ITGA1: variants seen among roughly 807,000 people sequenced by gnomAD.
ITGA1 encodes integrin subunit alpha 1, also known as integrin alpha-1.
In ITGA1, 85 loss-of-function variants were observed where a neutral mutation model predicts 145.9. The observed-to-expected ratio is 0.58, with a 90% confidence interval of 0.49 to 0.70. The LOEUF (loss-of-function observed/expected upper bound fraction) is 0.70, where lower values mean the gene tolerates loss of function less well. Among genes scored for constraint, ITGA1 ranks in the 30% least tolerant of loss-of-function variants. The pLI is 0.00. For synonymous variants in ITGA1, 520 were observed against 495.3 expected, an observed-to-expected ratio of 1.05 and a Z score of -0.66; for missense variants, 1,351 against 1,418.7, an observed-to-expected ratio of 0.95 and a Z score of 0.77.
At chr5:52,948,518 A>G (rs1407924638) in intron 28 of ITGA1, among the ~76,000 whole-genome samples, 1 of 152,198 alleles carries the variant, frequency 6.6e-6, no homozygotes, top group African/African-American at 2.4e-5. Context: ...ATGGTGAACA[A>G]AGCCAGATGT....
chr5:52,940,565 C>T (rs1275517135), intron 26 of ITGA1, among the ~76,000 whole-genome samples: 5 of 151,948 alleles, frequency 3.3e-5, no homozygotes, highest in African/African-American at 7.3e-5. Context: ...CCCACCACCA[C>T]GCCCGGCTAA....
intron 1 of ITGA1, among the ~76,000 whole-genome samples, chr5:52,796,121 T>C (rs1748336879): frequency 6.6e-6 from 1 of 151,992 alleles, no homozygotes; most frequent in Admixed American, 6.6e-5. Flanking sequence ...AATTATTGAA[T>C]TCAATTCCCT....
At chr5:52,816,474 T>A (rs1748777324) in intron 1 of ITGA1, among the ~76,000 whole-genome samples, 1 of 152,178 alleles carries the variant, frequency 6.6e-6, no homozygotes, top group African/African-American at 2.4e-5. Flanking sequence ...GTCTTCCTAT[T>A]GCCCCAACCC....
intron 11 of ITGA1, chr5:52,903,778 G>C (rs1750353050): frequency 6.6e-6 from 1 of 152,088 alleles, no homozygotes; most frequent in Non-Finnish European, 1.5e-5. Context: ...ATCTGCATGT[G>C]GCAATTTTTA....
chr5:52,804,817 T>C (rs1268919697), intron 1 of ITGA1, among the ~76,000 whole-genome samples: 1 of 152,168 alleles, frequency 6.6e-6, no homozygotes, highest in African/African-American at 2.4e-5. Context: ...TATTTGTGTT[T>C]AGTGTCAGAA....
At chr5:52,866,834 A>T (rs953416674) in intron 6 of ITGA1, among the ~76,000 whole-genome samples, 1 of 152,196 alleles carries the variant, frequency 6.6e-6, no homozygotes, top group Admixed American at 6.5e-5. Flanking sequence ...ATGGGCATAT[A>T]TATTAAAATA....
intron 1 of ITGA1, among the ~76,000 whole-genome samples, chr5:52,829,032 A>G (rs1749013907): frequency 6.6e-6 from 1 of 152,208 alleles, no homozygotes; most frequent in South Asian, 2.1e-4. Context: ...ACCATAAAAA[A>G]CAGGATGATC....
At chr5:52,873,544 C>A (rs115413847) in intron 6 of ITGA1, among the ~76,000 whole-genome samples, 2 of 152,326 alleles carry the variant, frequency 1.3e-5, no homozygotes, top group East Asian at 1.9e-4. Flanking sequence ...TTATATCCCT[C>A]TTTATAATGA....
chr5:52,897,294 A>G (rs4074793), intron 9 of ITGA1, among the ~76,000 whole-genome samples, 161 bp from the exon 10 acceptor site: 10,189 of 152,250 alleles, frequency 0.067, 422 homozygotes, highest in Middle Eastern at 0.15. Flanking sequence ...AGGCCTACCT[A>G]GAAATTTTGG....
rs1222579974 is a variant in ITGA1 at position 52,955,378 on chromosome 5, TA to T, written c.*2928del. ...ATAGATAGATAGATAGATAGATAGA[TA>T]GATAGATAGATAGATATTGATAGAG... On this transcript the variant is annotated 3_prime_UTR_variant, in exon 29 of 29. Transcript: ENST00000282588. 7.8e-6 allele frequency: 1 copy of T among 127,906 alleles called. No homozygotes were observed. Among genetic ancestry groups the T allele is most frequent in the Non-Finnish European group, 1.6e-5 (1 of 60,940 alleles). 7.9% of individuals were successfully genotyped at this position (127,906 alleles called of 1,614,324 possible).
intron 21 of ITGA1, chr5:52,931,188 C>A (rs1388102715): frequency 1.3e-5 from 2 of 152,154 alleles, no homozygotes; most frequent in Non-Finnish European, 2.9e-5. Context: ...ATAATGAAAG[C>A]TAACACTTAC....
intron 14 of ITGA1, among the ~76,000 whole-genome samples, chr5:52,912,229 T>C (rs1325954064): frequency 6.9e-6 from 1 of 144,778 alleles, no homozygotes; most frequent in African/African-American, 2.5e-5. Context: ...ATATATACTG[T>C]ATCTAGTGTA....
chr5:52,796,285 A>C (rs1748340203), intron 1 of ITGA1, among the ~76,000 whole-genome samples: 1 of 151,862 alleles, frequency 6.6e-6, no homozygotes, highest in Non-Finnish European at 1.5e-5. Context: ...AAGAGCAACA[A>C]ATTAAAAACT....
chr5:52,867,394 T>C (rs2111780600), intron 6 of ITGA1, among the ~76,000 whole-genome samples: 1 of 152,278 alleles, frequency 6.6e-6, no homozygotes, highest in East Asian at 1.9e-4. Flanking sequence ...TCATTAAAAA[T>C]GAAATGGGCT....
At position 52,856,680 on chromosome 5, in the gene ITGA1, CAGAGAGAGAG is replaced by C. The variant is rs137879951; in HGVS notation, c.183-4743_183-4734del. Among the ~76,000 whole-genome samples the C allele has an allele frequency of 9.8e-3, 1,452 of 148,296 alleles. 25 individuals carry two copies. Among genetic ancestry groups the C allele is most frequent in the African/African-American group, 0.033 (1,320 of 40,474 alleles). ...TTATTTTCCAAAGAAGAAAAAGAGA[CAGAGAGAGAG>C]AGAGAGAGAGAGAGAGAGAGAGAAG... On this transcript the variant is annotated intron_variant, in intron 2 of 28. Transcript: ENST00000282588.
chr5:52,789,922 G>A (rs1433215857), intron 1 of ITGA1, among the ~76,000 whole-genome samples: 5 of 152,154 alleles, frequency 3.3e-5, no homozygotes, highest in Non-Finnish European at 7.4e-5. Flanking sequence ...TCATATATAT[G>A]TTGGTGAAAT....
At chr5:52,898,007 A>G (rs138553424) in intron 10 of ITGA1, among the ~76,000 whole-genome samples, 113 of 152,284 alleles carry the variant, frequency 7.4e-4, no homozygotes, top group Middle Eastern at 3.4e-3. Flanking sequence ...TGACATTTCC[A>G]TGTGCAATTT....
At chr5:52,892,326 A>G (rs1005517136) in intron 8 of ITGA1, among the ~76,000 whole-genome samples, 40 of 152,288 alleles carry the variant, frequency 2.6e-4, no homozygotes, top group Non-Finnish European at 2.6e-4. Context: ...GTGAACAAAA[A>G]AAACTGACAA....
intron 1 of ITGA1, among the ~76,000 whole-genome samples, chr5:52,846,734 T>G (rs1199147619): frequency 6.6e-6 from 1 of 152,218 alleles, no homozygotes; most frequent in Non-Finnish European, 1.5e-5. Context: ...TAGACAAATC[T>G]CTTCATGATC....
Sources: allele counts gnomAD v4.1 joint callset (sites outside exome capture counted in the v4.1 genomes callset), GRCh38; gene constraint gnomAD v4.1.1; transcripts MANE v1.5; gene names NCBI Gene and HGNC (gene_info 2026-07-23, HGNC 2026-07-21).